The following TRIM2 variants were observed in gnomAD, a reference collection of about 807,000 sequenced individuals.
The protein encoded by TRIM2 is tripartite motif containing 2.
In TRIM2, 20 loss-of-function variants were observed where a neutral mutation model predicts 75.2. The observed-to-expected ratio is 0.27, with a 90% CI of 0.19 to 0.39. The LOEUF (loss-of-function observed/expected upper bound fraction) is 0.39. Among genes scored for constraint, TRIM2 ranks in the 10% least tolerant of loss-of-function variants. The probability of loss-of-function intolerance (pLI) is 1.00; values close to 1 mark genes in which losing one functional copy is unlikely to be tolerated. For missense variants in TRIM2, 660 were observed against 990.8 expected (o/e 0.67, Z 4.48); for synonymous variants, 373 against 388.3 (o/e 0.96, Z 0.46).
chr4:153,247,332 GC>G (rs1253517739), intron 1 of TRIM2, among the ~76,000 whole-genome samples: 1 of 152,148 alleles, frequency 6.6e-6, no homozygotes, highest in Non-Finnish European at 1.5e-5. Flanking sequence ...AGACACCAGT[GC>G]TAAGTGGGTG....
intron 1 of TRIM2, among the ~76,000 whole-genome samples, chr4:153,188,541 G>A (rs1183472607): frequency 6.6e-6 from 1 of 152,134 alleles, no homozygotes; most frequent in South Asian, 2.1e-4. Flanking sequence ...TTCTTCCCTG[G>A]GGTTCCCTGA....
chr4:153,289,753 A>G (rs993539912), intron 3 of TRIM2, among the ~76,000 whole-genome samples: 1 of 152,230 alleles, frequency 6.6e-6, no homozygotes, highest in Non-Finnish European at 1.5e-5. Flanking sequence ...CATTCTAGAC[A>G]TGAGGCCATG....
At chr4:153,330,383 T>C (rs1236627202) in intron 11 of TRIM2, among the ~76,000 whole-genome samples, 2 of 152,088 alleles carry the variant, frequency 1.3e-5, no homozygotes, top group African/African-American at 4.8e-5. Context: ...CAGACCATAT[T>C]CCTCCTGTGT....
chr4:153,250,612 C>T (rs1239276029), intron 1 of TRIM2, among the ~76,000 whole-genome samples: 1 of 152,152 alleles, frequency 6.6e-6, no homozygotes, highest in Admixed American at 6.5e-5. Context: ...CAATATGAGT[C>T]AATATGAGAA....
In TRIM2 at chr4:153,244,401, T is replaced by C. The variant is rs1264623437; in HGVS notation, c.31-25934T>C. Among the ~76,000 whole-genome samples, 36 of 88,312 alleles carry C rather than the reference T, an allele frequency of 4.1e-4. 8 individuals are homozygous for C. Among genetic ancestry groups the C allele is most frequent in the African/African-American group, 2.7e-3 (34 of 12,822 alleles). The allele number at this position is 88,312 out of a possible 152,430, so 57.9% of individuals were successfully genotyped here. ...TTCTTCTTCTTCTTCTTCTTCTTCT[T>C]CTTCTTCTTCTTCTTCTTCTTCTTC... is the stretch of plus-strand genomic sequence containing the variant. On this transcript the variant is annotated intron_variant, in intron 1 of 11. Coordinates refer to ENST00000338700, the MANE Select transcript of TRIM2 (RefSeq NM_015271.5).
rs527323585 is a variant in TRIM2 at position 153,300,933 on chromosome 4, G to C, written c.1510+4897G>C. Reference sequence around the variant, plus strand: ...GGGCCGGGCACAGTGGATGATGCCTGTAATCCCAGCACCTTGGGAGGTCCA... The same window carrying C: ...GGGCCGGGCACAGTGGATGATGCCTCTAATCCCAGCACCTTGGGAGGTCCA... On this transcript the variant is annotated intron_variant, in intron 6 of 11. Coordinates refer to ENST00000338700, the MANE Select transcript of TRIM2 (RefSeq NM_015271.5). Among the ~76,000 whole-genome samples the C allele has an allele frequency of 7.9e-5, 12 of 151,434 alleles. No homozygotes were observed. The South Asian group carries it at 2.3e-3, about 29-fold the overall frequency.
intron 1 of TRIM2, among the ~76,000 whole-genome samples, chr4:153,217,165 T>G (rs1209751782): frequency 2.6e-5 from 4 of 152,236 alleles, no homozygotes; most frequent in Non-Finnish European, 1.5e-5. Flanking sequence ...TTTTGGGGTT[T>G]CTGCTAATTG....
chr4:153,307,143 G>T (rs1219212285), intron 6 of TRIM2, among the ~76,000 whole-genome samples: 1 of 152,176 alleles, frequency 6.6e-6, no homozygotes, highest in Non-Finnish European at 1.5e-5. Flanking sequence ...TGTTGATGAT[G>T]ATTTAAAACA....
rs1349265439 is a variant in TRIM2 at position 153,204,457 on chromosome 4, T to A, written c.-74T>A. ...CCCTTTAACTCGGCAGCTTGATGAC[T>A]ATAATGGGCCCAGTTGTCTGCGGGC... On this transcript the variant is annotated 5_prime_UTR_variant, in exon 1 of 12. Transcript: ENST00000338700. 2 of 1,530,630 alleles carry A rather than the reference T, an allele frequency of 1.3e-6. No individual in the cohort carries two copies. Among genetic ancestry groups the A allele is most frequent in the Admixed American group, 3.9e-5 (2 of 50,956 alleles). The allele number at this position is 1,530,630 out of a possible 1,614,324, so 94.8% of individuals were successfully genotyped here.
intron 1 of TRIM2, among the ~76,000 whole-genome samples, chr4:153,264,293 G>A (rs1191569255): frequency 1.3e-5 from 2 of 152,158 alleles, no homozygotes; most frequent in African/African-American, 4.8e-5. Context: ...GGTTCTTTCT[G>A]CGTTTGCTAC....
In TRIM2 at chr4:153,336,154, C is replaced by T. The variant is rs1480328823; in HGVS notation, c.*1188C>T. 3.0e-6 allele frequency: 3 copies of T among 984,020 alleles called. No individual in the cohort carries two copies. Among genetic ancestry groups the T allele is most frequent in the Non-Finnish European group, 3.6e-6 (3 of 829,594 alleles). The allele number at this position is 984,020 out of a possible 1,614,324, so 61.0% of individuals were successfully genotyped here. ...TATATACACACACACATATATATAGCTGAATCTTTGGTGTATTGAAATAGG... is the reference window on the plus strand; with the variant it reads ...TATATACACACACACATATATATAGTTGAATCTTTGGTGTATTGAAATAGG... On this transcript the variant is annotated 3_prime_UTR_variant, in exon 12 of 12. Transcript: ENST00000338700.
intron 10 of TRIM2, among the ~76,000 whole-genome samples, chr4:153,327,139 CA>C (rs780240076): frequency 2.6e-5 from 4 of 152,098 alleles, no homozygotes; most frequent in Non-Finnish European, 4.4e-5. Flanking sequence ...CAAAAAGAGT[CA>C]GAAAAAAAAT....
intron 4 of TRIM2, 35 bp downstream of exon 4, chr4:153,293,168 C>T (rs767764169): frequency 5.1e-6 from 8 of 1,581,120 alleles, no homozygotes; most frequent in African/African-American, 1.3e-5. Context: ...CAACTGGCTG[C>T]CTGTACTTGA....
In TRIM2 at chr4:153,336,576, T is replaced by A; in HGVS notation, c.*1610T>A. ...ACCAAATAGGATGTCATGTTTGACA[T>A]TTTTGATAGTGACTTTGGGGTCTTC... On this transcript the variant is annotated 3_prime_UTR_variant, in exon 12 of 12. Coordinates refer to ENST00000338700, the MANE Select transcript of TRIM2 (RefSeq NM_015271.5). The A allele has an allele frequency of 1.0e-6, 1 of 985,886 alleles. No individual in the cohort carries two copies. The highest frequency in any genetic ancestry group is 4.7e-5 in the South Asian group (1 of 21,286). 61.1% of individuals were successfully genotyped at this position (985,886 alleles called of 1,614,324 possible).
intron 6 of TRIM2, among the ~76,000 whole-genome samples, chr4:153,314,528 G>A (rs1322565274): frequency 6.6e-6 from 1 of 151,402 alleles, no homozygotes; most frequent in Non-Finnish European, 1.5e-5. Context: ...CAGGAGCATC[G>A]CTTAGGCCCA....
intron 1 of TRIM2, among the ~76,000 whole-genome samples, chr4:153,224,689 A>G (rs935437811): frequency 2.0e-5 from 3 of 152,128 alleles, no homozygotes; most frequent in African/African-American, 7.2e-5. Context: ...TAAATCCTCC[A>G]CTAGAAATTC....
chr4:153,266,209 C>T (rs1212478902), intron 1 of TRIM2, among the ~76,000 whole-genome samples: 1 of 152,126 alleles, frequency 6.6e-6, no homozygotes, highest in East Asian at 1.9e-4. Context: ...TCTGTGAGTG[C>T]CCCAGGCTGG....
At chr4:153,277,135 C>T in intron 3 of TRIM2, among the ~76,000 whole-genome samples, 1 of 152,228 alleles carries the variant, frequency 6.6e-6, no homozygotes, top group Non-Finnish European at 1.5e-5. Flanking sequence ...CCAGCATTCT[C>T]TCTGCACACT....
intron 1 of TRIM2, among the ~76,000 whole-genome samples, chr4:153,238,880 G>A (rs938184780): frequency 4.7e-4 from 72 of 152,092 alleles, no homozygotes; most frequent in African/African-American, 1.7e-3. Flanking sequence ...GAAACCTAAG[G>A]GCTCTCTATT....
Sources: allele counts gnomAD v4.1 joint callset (sites outside exome capture counted in the v4.1 genomes callset), GRCh38; gene constraint gnomAD v4.1.1; transcripts MANE v1.5; gene names NCBI Gene and HGNC (gene_info 2026-07-23, HGNC 2026-07-21).